NF1: variants seen among roughly 807,000 people sequenced by gnomAD.
NF1 encodes the protein neurofibromin.
A neutral mutation model predicts 325.7 loss-of-function variants in NF1; 122 were observed. The observed-to-expected ratio is 0.37, with a 90% CI of 0.32 to 0.44. NF1 has a LOEUF of 0.44. Ranked by LOEUF, NF1 falls within the 20% of genes least tolerant of loss-of-function variation. The pLI is 1.00. For missense variants in NF1, 2,140 were observed against 3,415.4 expected (o/e 0.63, Z 9.31); for synonymous variants, 1,091 against 1,186.0 (o/e 0.92, Z 1.65).
chr17:31,261,430 TA>T (rs1182958458), intron 34 of NF1, among the ~76,000 whole-genome samples: 37 of 152,278 alleles, frequency 2.4e-4, no homozygotes, highest in African/African-American at 3.1e-4. Context: ...GAGTCCAAAT[TA>T]TTTTTAAATG....
chr17:31,350,063 C>A, intron 49 of NF1, 120 bp from the exon 50 acceptor site: 1 of 1,057,452 alleles, frequency 9.5e-7, no homozygotes, highest in Non-Finnish European at 1.5e-6. Flanking sequence ...TGTAGTCTTC[C>A]AAAATATGTG....
chr17:31,232,898 G>C lies in NF1; in HGVS notation c.3496+17G>C, dbSNP rs1249632527. On this transcript the variant is annotated intron_variant, in intron 26 of 57. Transcript: ENST00000358273. ...ACTCCATAGGTGAGATCAAATGAAAGTTTCATATAGAAATACAAAACCTAG... is the reference window on the plus strand; with the variant it reads ...ACTCCATAGGTGAGATCAAATGAAACTTTCATATAGAAATACAAAACCTAG... 6.2e-7 allele frequency: 1 copy of C among 1,613,930 alleles called. No individual in the cohort carries two copies. The highest frequency in any genetic ancestry group is 8.5e-7 in the Non-Finnish European group (1 of 1,179,932).
At chr17:31,096,389 T>C (rs1598175811) in intron 1 of NF1, among the ~76,000 whole-genome samples, 1 of 152,246 alleles carries the variant, frequency 6.6e-6, no homozygotes, top group East Asian at 1.9e-4. Flanking sequence ...TTTTGTAGCT[T>C]GAGGAGGTGA....
At chr17:31,362,347 A>G (rs1281997103) in intron 57 of NF1, 48 of 985,256 alleles carry the variant, frequency 4.9e-5, no homozygotes, top group Non-Finnish European at 5.5e-5. Flanking sequence ...AGCATTTTGG[A>G]GCTAGGGAAC....
chr17:31,105,617 C>T (rs1262879984), intron 1 of NF1, among the ~76,000 whole-genome samples: 1 of 152,120 alleles, frequency 6.6e-6, no homozygotes, highest in Non-Finnish European at 1.5e-5. Context: ...CAGGCTCAAG[C>T]GATTTTCCTG....
At chr17:31,350,618 G>GA (rs1344116964) in intron 50 of NF1, among the ~76,000 whole-genome samples, 1 of 152,048 alleles carries the variant, frequency 6.6e-6, no homozygotes, top group Non-Finnish European at 1.5e-5. Context: ...AGGGCCTGGG[G>GA]AAAAAAACTA....
At chr17:31,121,788 G>T (rs370011980) in intron 1 of NF1, among the ~76,000 whole-genome samples, 2 of 152,266 alleles carry the variant, frequency 1.3e-5, no homozygotes, top group South Asian at 4.1e-4. Context: ...TTGATCATGG[G>T]GGATAAGCTT....
In NF1 at chr17:31,350,170, G is replaced by T; in HGVS notation, c.7322-13G>T. Reference sequence around the variant, plus strand: ...TTGTTAAATTTTTTAACCTGCCACCGTTTTCCTTTTAGCTTTACTTACAGT... The same window carrying T: ...TTGTTAAATTTTTTAACCTGCCACCTTTTTCCTTTTAGCTTTACTTACAGT... On this transcript the variant is annotated splice_polypyrimidine_tract_variant and intron_variant, in intron 49 of 57. Transcript: ENST00000358273. 6.2e-7 allele frequency: 1 copy of T among 1,613,764 alleles called. No individual in the cohort carries two copies. Among genetic ancestry groups the T allele is most frequent in the South Asian group, 1.1e-5 (1 of 91,076 alleles).
intron 57 of NF1, among the ~76,000 whole-genome samples, chr17:31,372,248 GCCCTACGC>G (rs2070656520): frequency 6.6e-6 from 1 of 152,038 alleles, no homozygotes; most frequent in Non-Finnish European, 1.5e-5. Flanking sequence ...TGTTTACCCA[GCCCTACGC>G]CCTCTCCCCA....
rs2151558138 is a variant in NF1 at position 31,338,061 on chromosome 17, A to G, written c.6741A>G (p.Arg2247=). 6.2e-7 allele frequency: 1 copy of G among 1,613,894 alleles called. No individual in the cohort carries two copies. The highest frequency in any genetic ancestry group is 8.5e-7 in the Non-Finnish European group (1 of 1,179,854). ...AATATAATCCATCCCTGCAACCAAG[A>G]GCTCTTGTTGTCTTTGGGTGTATTA... ...AFQYNPSLQP[R]ALVVFGCISK... The change falls in exon 45 of 58, where the codon AGA becomes AGG. Residue 2247 remains arginine (R), a synonymous_variant. Coordinates refer to ENST00000358273, the MANE Select transcript of NF1 (RefSeq NM_001042492.3).
At chr17:31,256,203 C>T (rs752267430) in intron 31 of NF1, among the ~76,000 whole-genome samples, 1 of 152,106 alleles carries the variant, frequency 6.6e-6, no homozygotes, top group Non-Finnish European at 1.5e-5. Flanking sequence ...TGCAGTGGCA[C>T]GATGGCTCAC....
intron 15 of NF1, 49 bp downstream of exon 15, chr17:31,221,978 AT>A: frequency 6.6e-7 from 1 of 1,523,618 alleles, no homozygotes; most frequent in East Asian, 2.4e-5. Flanking sequence ...TTTATTTTGT[AT>A]TTTTGTCTTG....
At chr17:31,148,294 G>T (rs1916713426) in intron 1 of NF1, among the ~76,000 whole-genome samples, 1 of 151,948 alleles carries the variant, frequency 6.6e-6, no homozygotes, top group Admixed American at 6.6e-5. Context: ...CTTTTGGCCA[G>T]TGGGGGCCTC....
intron 3 of NF1, among the ~76,000 whole-genome samples, chr17:31,162,035 C>CAAAAAAAAAAAAA (rs781244510): frequency 1.8e-5 from 1 of 54,176 alleles, no homozygotes; most frequent in Non-Finnish European, 3.2e-5. Flanking sequence ...GACTCCATCT[C>CAAAAAAAAAAAAA]AAAAAAAAAA....
rs2069800533 is a variant in NF1, at chr17:31,340,787, T to TGAA, written c.7062+142_7062+143insGAA. The stretch of plus-strand genomic sequence containing the variant: ...TAATGTAACTTATTGTGAGTATATT[T>TGAA]CCTTACCAGCTCATAAAGAACTATG... On this transcript the variant is annotated intron_variant, in intron 47 of 57. Transcript: ENST00000358273. The TGAA allele has an allele frequency of 4.8e-6, 4 of 833,586 alleles. No individual in the cohort carries two copies. The Admixed American group carries it at 9.9e-5, about 21-fold the overall frequency. The allele number at this position is 833,586 out of a possible 1,614,324, so 51.6% of individuals were successfully genotyped here. A position where few individuals can be genotyped will look rare whatever the true frequency, so the allele number is the denominator to read the frequency against.
intron 36 of NF1, among the ~76,000 whole-genome samples, chr17:31,290,518 G>A (rs1333247925): frequency 1.3e-5 from 2 of 152,124 alleles, no homozygotes; most frequent in Non-Finnish European, 2.9e-5. Context: ...CAACAACCCT[G>A]TAAGGAAATA....
At chr17:31,341,926 T>C (rs2069835667) in intron 47 of NF1, among the ~76,000 whole-genome samples, 1 of 152,130 alleles carries the variant, frequency 6.6e-6, no homozygotes, top group African/African-American at 2.4e-5. Context: ...AATGTGTATA[T>C]ACAGTGAGAT....
chr17:31,210,428 CA>C (rs1017065252), intron 12 of NF1, among the ~76,000 whole-genome samples: 1 of 151,788 alleles, frequency 6.6e-6, no homozygotes, highest in African/African-American at 2.4e-5. Context: ...ACTAAAAATG[CA>C]AAAAAATTAG....
intron 36 of NF1, among the ~76,000 whole-genome samples, chr17:31,288,522 GTTTTTTTTTT>G (rs200926157): frequency 5.0e-5 from 6 of 119,714 alleles, no homozygotes; most frequent in South Asian, 5.7e-4. Context: ...TTTTTGCTTT[GTTTTTTTTTT>G]TTTTTTTTTT....
Sources: gnomAD v4.1 joint callset for allele counts (sites outside exome capture counted in the v4.1 genomes callset) on GRCh38, gnomAD v4.1.1 for gene constraint, MANE v1.5 for transcripts, NCBI Gene and HGNC (gene_info 2026-07-23, HGNC 2026-07-21) for gene names.